PTK2B: variants seen among roughly 807,000 people sequenced by gnomAD.
The protein encoded by PTK2B is protein tyrosine kinase 2 beta.
Under a neutral mutation model 142.9 loss-of-function variants are expected in PTK2B, and 71 were observed. That is an observed-to-expected ratio of 0.50 (90% CI 0.41 to 0.61). The LOEUF (loss-of-function observed/expected upper bound fraction) is 0.61, where lower values mean the gene tolerates loss of function less well. PTK2B is among the 20% of genes least tolerant of loss of function. The pLI, the probability that PTK2B is intolerant of heterozygous loss-of-function variation, is 0.00. For synonymous variants in PTK2B, 519 were observed against 503.4 expected (o/e 1.03, Z -0.42); for missense variants, 1,105 against 1,320.4 (o/e 0.84, Z 2.53).
chr8:27,402,178 T>C (rs1808423716), intron 2 of PTK2B, among the ~76,000 whole-genome samples: 1 of 151,874 alleles, frequency 6.6e-6, no homozygotes, highest in African/African-American at 2.4e-5. Context: ...AGAGAAGTGA[T>C]TATAATCCAT....
At chr8:27,367,911 C>T (rs1357691876) in intron 1 of PTK2B, among the ~76,000 whole-genome samples, 1 of 152,248 alleles carries the variant, frequency 6.6e-6, no homozygotes, top group East Asian at 1.9e-4. Flanking sequence ...CCACCTCCCA[C>T]ACTGGGAATC....
rs1810489203 is a variant in PTK2B, at chr8:27,432,358, C to A, written c.984C>A (p.Pro328=). 1 of 1,613,524 alleles carries A rather than the reference C, an allele frequency of 6.2e-7. No homozygotes were observed. The highest frequency in any genetic ancestry group is 1.1e-5 in the South Asian group (1 of 91,040). ...AVLQLGIEGA[P]QALSIKTSSL... is the part of the protein sequence containing the mutation. ...TTCAGCTGGGCATTGAAGGTGCCCC[C>A]CAGGTGAGTGTCTCTGGGCACTGGG... The change falls in exon 10 of 31, where the codon CCC becomes CCA. Residue 328 remains proline (P), a synonymous_variant. Coordinates refer to ENST00000346049, the MANE Select transcript of PTK2B (RefSeq NM_173176.3).
At chr8:27,453,608 C>G (rs79608631) in intron 28 of PTK2B, among the ~76,000 whole-genome samples, 1 of 152,168 alleles carries the variant, frequency 6.6e-6, no homozygotes, top group Non-Finnish European at 1.5e-5. Context: ...GGCCAGGTGC[C>G]GTGGCTCACA....
At chr8:27,428,414 G>C (rs767461077) in intron 5 of PTK2B, among the ~76,000 whole-genome samples, 1 of 152,152 alleles carries the variant, frequency 6.6e-6, no homozygotes, top group Non-Finnish European at 1.5e-5. Context: ...CCGCACATCT[G>C]CCCTTAGCAA....
chr8:27,438,414 A>G (rs918582220), intron 18 of PTK2B, among the ~76,000 whole-genome samples: 4 of 12,904 alleles, frequency 3.1e-4, no homozygotes, highest in Admixed American at 1.2e-3. Context: ...CAAGGGAGTC[A>G]GTGGTTGGGC....
intron 1 of PTK2B, among the ~76,000 whole-genome samples, chr8:27,395,271 G>A (rs531610254): frequency 6.6e-6 from 1 of 152,266 alleles, no homozygotes; most frequent in African/African-American, 2.4e-5. Flanking sequence ...TGAGTCATGC[G>A]TTGTGCTCTG....
At chr8:27,443,650 A>T (rs2132298308) in intron 22 of PTK2B, among the ~76,000 whole-genome samples, 1 of 152,226 alleles carries the variant, frequency 6.6e-6, no homozygotes, top group South Asian at 2.1e-4. Flanking sequence ...TCTAACCCTA[A>T]TTACCTCCAA....
intron 1 of PTK2B, among the ~76,000 whole-genome samples, chr8:27,388,229 A>G (rs1807491524): frequency 1.3e-5 from 2 of 152,356 alleles, no homozygotes; most frequent in Admixed American, 1.3e-4. Context: ...TTCTCCGCTC[A>G]GCAACCAACT....
chr8:27,365,206 G>C (rs1805948385), intron 1 of PTK2B, among the ~76,000 whole-genome samples: 1 of 152,184 alleles, frequency 6.6e-6, no homozygotes, highest in East Asian at 1.9e-4. Context: ...TAACCACACT[G>C]TGCTGCGTGG....
At chr8:27,454,684 T>C in intron 30 of PTK2B, 73 bp downstream of exon 30, 1 of 1,518,056 alleles carries the variant, frequency 6.6e-7, no homozygotes, top group South Asian at 1.1e-5. Flanking sequence ...TAGAGGCTCA[T>C]GATGGCTGCC....
upstream of PTK2B, among the ~76,000 whole-genome samples, chr8:27,321,289 C>G (rs906785804): frequency 6.6e-6 from 1 of 152,080 alleles, no homozygotes; most frequent in Non-Finnish European, 1.5e-5. Context: ...AGCCACCATG[C>G]CTGGCCTCAA....
chr8:27,348,053 A>T (rs960068295), intron 1 of PTK2B, among the ~76,000 whole-genome samples: 1 of 152,244 alleles, frequency 6.6e-6, no homozygotes, highest in Non-Finnish European at 1.5e-5. Flanking sequence ...CTCACGTTTC[A>T]CAAACCCAAG....
intron 1 of PTK2B, among the ~76,000 whole-genome samples, chr8:27,356,846 A>G (rs1344537606): frequency 1.3e-5 from 2 of 152,250 alleles, no homozygotes; most frequent in East Asian, 1.9e-4. Flanking sequence ...TTGACATCAC[A>G]TCCTTTAAGA....
rs149060100 is a variant in PTK2B, at chr8:27,444,310, C to T, written c.2214+39C>T. ...CAGAGGACGGGAACTTCAGGTCTAC[C>T]TCTCATCCAGGTCCTGAAACTCCAT... On this transcript the variant is annotated intron_variant, in intron 23 of 30. Transcript: ENST00000346049. 3.7e-5 allele frequency: 59 copies of T among 1,577,338 alleles called. No homozygotes were observed. The African/African-American group carries it at 6.9e-4, about 18-fold the overall frequency.
intron 1 of PTK2B, among the ~76,000 whole-genome samples, chr8:27,395,143 T>A (rs1394681133): frequency 6.6e-6 from 1 of 152,172 alleles, no homozygotes; most frequent in Non-Finnish European, 1.5e-5. Flanking sequence ...CATAAACCAG[T>A]CACATAATCT....
chr8:27,409,098 C>A (rs576368658), intron 2 of PTK2B, among the ~76,000 whole-genome samples: 2 of 152,238 alleles, frequency 1.3e-5, no homozygotes, highest in Non-Finnish European at 1.5e-5. Context: ...TTTAAGGACA[C>A]CAGTCATTTT....
intron 3 of PTK2B, among the ~76,000 whole-genome samples, chr8:27,316,595 C>T (rs1803100787): frequency 6.6e-6 from 1 of 152,176 alleles, no homozygotes; most frequent in Non-Finnish European, 1.5e-5. Context: ...GCAGCATCTT[C>T]GGAAACAGGC....
At chr8:27,432,227 G>T in intron 9 of PTK2B, 33 bp from the exon 10 acceptor site, 1 of 1,602,094 alleles carries the variant, frequency 6.2e-7, no homozygotes, top group Non-Finnish European at 8.5e-7. Flanking sequence ...CTGGTAGTGG[G>T]ATGGTCTGAA....
chr8:27,317,618 A>G (rs1233272506), intron 3 of PTK2B, among the ~76,000 whole-genome samples: 7 of 152,136 alleles, frequency 4.6e-5, no homozygotes, highest in African/African-American at 1.7e-4. Context: ...TTGCGTTTTG[A>G]AAAAAGGAGG....
Sources: gnomAD v4.1 joint callset for allele counts (sites outside exome capture counted in the v4.1 genomes callset) on GRCh38, gnomAD v4.1.1 for gene constraint, MANE v1.5 for transcripts, NCBI Gene and HGNC (gene_info 2026-07-23, HGNC 2026-07-21) for gene names.